Variants in STON2 observed in about 807,000 individuals in gnomAD.
STON2 encodes stonin 2.
In STON2, 29 loss-of-function variants were observed where a neutral mutation model predicts 65.7. That is an observed-to-expected ratio of 0.44 (90% CI 0.33 to 0.60). STON2 has a LOEUF of 0.60. Among genes scored for constraint, STON2 ranks in the 20% least tolerant of loss-of-function variants. STON2 has a pLI of 0.03. For missense variants in STON2, 1,054 were observed against 1,118.1 expected (o/e 0.94, Z 0.82); for synonymous variants, 404 against 414.2 (o/e 0.98, Z 0.30).
At chr14:81,372,620 G>A in intron 3 of STON2, among the ~76,000 whole-genome samples, 1 of 150,496 alleles carries the variant, frequency 6.6e-6, no homozygotes, top group East Asian at 1.9e-4. Flanking sequence ...TGAAACAAGT[G>A]CTGAAAATAA....
intron 1 of STON2, among the ~76,000 whole-genome samples, chr14:81,399,159 T>TA (rs1249441676): frequency 1.3e-5 from 2 of 152,186 alleles, no homozygotes; most frequent in African/African-American, 4.8e-5. Context: ...AAATGTGAGT[T>TA]AGAGTAACAT....
intron 5 of STON2, among the ~76,000 whole-genome samples, chr14:81,293,129 CGGT>C (rs1165588585): frequency 6.6e-6 from 1 of 150,452 alleles, no homozygotes; most frequent in Non-Finnish European, 1.5e-5. Flanking sequence ...GTTATTCAGA[CGGT>C]GGCACCCTAG....
chr14:81,290,501 A>G (rs1382268386), intron 5 of STON2, among the ~76,000 whole-genome samples: 2 of 152,174 alleles, frequency 1.3e-5, no homozygotes, highest in Non-Finnish European at 2.9e-5. Flanking sequence ...TCTGTATCAC[A>G]TCGATCTTCT....
intron 1 of STON2, among the ~76,000 whole-genome samples, chr14:81,398,917 CT>C (rs1050332020): frequency 2.0e-5 from 3 of 152,168 alleles, no homozygotes; most frequent in Non-Finnish European, 4.4e-5. Flanking sequence ...TTTCAAAATG[CT>C]TTCACTTTCT....
chr14:81,359,484 T>A (rs1225014785), intron 4 of STON2, among the ~76,000 whole-genome samples: 2 of 152,026 alleles, frequency 1.3e-5, no homozygotes, highest in Admixed American at 1.3e-4. Flanking sequence ...CAGAGAAAGC[T>A]GAACAAACTA....
chr14:81,408,808 C>G (rs1411504407), intron 2 of STON2, among the ~76,000 whole-genome samples: 1 of 152,148 alleles, frequency 6.6e-6, no homozygotes, highest in African/African-American at 2.4e-5. Context: ...AGGCAGTGAC[C>G]TTGACTGACA....
intron 5 of STON2, among the ~76,000 whole-genome samples, chr14:81,284,885 T>G (rs1174192020): frequency 6.6e-6 from 1 of 152,220 alleles, no homozygotes; most frequent in African/African-American, 2.4e-5. Flanking sequence ...TATGCAAATC[T>G]ACCTTGCCTG....
upstream of STON2, among the ~76,000 whole-genome samples, chr14:81,403,991 T>C (rs1478547501): frequency 2.6e-5 from 4 of 152,218 alleles, no homozygotes; most frequent in African/African-American, 4.8e-5. Flanking sequence ...CTTTTGCTTA[T>C]TGATGTCTTT....
At chr14:81,305,186 C>CAA (rs1896123176) in intron 5 of STON2, among the ~76,000 whole-genome samples, 9 of 152,218 alleles carry the variant, frequency 5.9e-5, no homozygotes, top group Admixed American at 5.9e-4. Flanking sequence ...TGTCGATGGA[C>CAA]ATTTGAGAGC....
At chr14:81,397,402 A>T (rs1900379227) in intron 2 of STON2, among the ~76,000 whole-genome samples, 1 of 152,228 alleles carries the variant, frequency 6.6e-6, no homozygotes, top group African/African-American at 2.4e-5. Context: ...TAATTTCAAC[A>T]TGTAAGAAAT....
intron 4 of STON2, among the ~76,000 whole-genome samples, chr14:81,348,164 A>C (rs1897891385): frequency 6.6e-6 from 1 of 152,084 alleles, no homozygotes. Flanking sequence ...ACAGCTAAGA[A>C]TGAAGAAAAG....
chr14:81,387,645 T>C (rs1234251047), intron 3 of STON2, among the ~76,000 whole-genome samples: 4 of 151,990 alleles, frequency 2.6e-5, no homozygotes, highest in African/African-American at 7.2e-5. Context: ...TCCCAGCATT[T>C]TGGGAGGCTG....
At chr14:81,347,070 G>A (rs1897836152) in intron 4 of STON2, among the ~76,000 whole-genome samples, 1 of 151,684 alleles carries the variant, frequency 6.6e-6, no homozygotes, top group African/African-American at 2.4e-5. Context: ...TTAGAGCATA[G>A]CTAAACAAAA....
intron 6 of STON2, among the ~76,000 whole-genome samples, chr14:81,275,920 C>A (rs192227882): frequency 6.6e-6 from 1 of 152,338 alleles, no homozygotes; most frequent in East Asian, 1.9e-4. Context: ...AGGATAGCCA[C>A]ATAAGAGAAA....
intron 4 of STON2, among the ~76,000 whole-genome samples, chr14:81,349,970 A>G (rs1289251206): frequency 6.6e-6 from 1 of 152,144 alleles, no homozygotes; most frequent in Admixed American, 6.6e-5. Context: ...GTGAAATAAG[A>G]TAGGCACAGA....
At chr14:81,416,565 A>C (rs529855845) in intron 2 of STON2, among the ~76,000 whole-genome samples, 6 of 152,218 alleles carry the variant, frequency 3.9e-5, no homozygotes, top group Non-Finnish European at 5.9e-5. Context: ...ATGCCCACGA[A>C]GAGTGTGTAC....
chr14:81,304,209 C>G, intron 5 of STON2, among the ~76,000 whole-genome samples: 1 of 152,104 alleles, frequency 6.6e-6, no homozygotes, highest in Non-Finnish European at 1.5e-5. Context: ...TTAGATTCCC[C>G]CACACACCTA....
chr14:81,319,354 G>C (rs1176440118), intron 5 of STON2, among the ~76,000 whole-genome samples: 1 of 151,820 alleles, frequency 6.6e-6, no homozygotes, highest in Non-Finnish European at 1.5e-5. Flanking sequence ...CTCAAAGCAA[G>C]GTCCTATTAC....
chr14:81,423,139 C>T (rs1270292396), intron 2 of STON2, among the ~76,000 whole-genome samples: 1 of 152,106 alleles, frequency 6.6e-6, no homozygotes, highest in African/African-American at 2.4e-5. Context: ...ACCTAAGGTG[C>T]GCTGCACACT....
Sources: allele counts gnomAD v4.1 joint callset (sites outside exome capture counted in the v4.1 genomes callset), GRCh38; gene constraint gnomAD v4.1.1; transcripts MANE v1.5; gene names NCBI Gene and HGNC (gene_info 2026-07-23, HGNC 2026-07-21).